Variants in GRID2 observed in about 807,000 individuals in gnomAD.
GRID2 encodes glutamate ionotropic receptor delta type subunit 2, also known as glutamate receptor ionotropic, delta-2.
In GRID2, 33 loss-of-function variants were observed where a neutral mutation model predicts 114.8. The observed-to-expected ratio is 0.29, with a 90% CI of 0.22 to 0.38. The LOEUF (loss-of-function observed/expected upper bound fraction) is 0.38, where lower values mean the gene tolerates loss of function less well. Among genes scored for constraint, GRID2 ranks in the 10% least tolerant of loss-of-function variants. The pLI is 1.00. For synonymous variants in GRID2, 505 were observed against 449.9 expected (o/e 1.12, Z -1.55); for missense variants, 1,184 against 1,257.7 (o/e 0.94, Z 0.89).
At chr4:93,684,283 T>C (rs1475505872) in intron 14 of GRID2, among the ~76,000 whole-genome samples, 1 of 152,128 alleles carries the variant, frequency 6.6e-6, no homozygotes, top group Non-Finnish European at 1.5e-5. Flanking sequence ...AATTTCAGTA[T>C]TTTAAATGAA....
At chr4:92,305,268 G>A (rs941877849) in intron 1 of GRID2, among the ~76,000 whole-genome samples, 2 of 152,146 alleles carry the variant, frequency 1.3e-5, no homozygotes, top group Non-Finnish European at 2.9e-5. Flanking sequence ...GGTGACGGGG[G>A]TGCCGGATGC....
chr4:92,724,511 G>A (rs879882518), intron 2 of GRID2, among the ~76,000 whole-genome samples: 1 of 152,106 alleles, frequency 6.6e-6, no homozygotes, highest in East Asian at 1.9e-4. Flanking sequence ...AAATGCACAT[G>A]GGGACTAGAT....
chr4:93,067,710 G>A (rs896405656), intron 2 of GRID2, among the ~76,000 whole-genome samples: 3 of 151,768 alleles, frequency 2.0e-5, no homozygotes, highest in East Asian at 1.9e-4. Flanking sequence ...ACTTTCAAGA[G>A]CCACCTTATT....
chr4:92,881,099 C>T (rs546641051), intron 2 of GRID2, among the ~76,000 whole-genome samples: 2 of 152,220 alleles, frequency 1.3e-5, no homozygotes, highest in South Asian at 2.1e-4. Context: ...GGAAGGGTTT[C>T]GCCAAGTTGG....
intron 8 of GRID2, among the ~76,000 whole-genome samples, chr4:93,327,896 G>A (rs544311766): frequency 3.0e-4 from 46 of 151,972 alleles, no homozygotes; most frequent in Admixed American, 2.5e-3. Context: ...ATAAATAGAC[G>A]TGCCCACTAT....
At chr4:93,095,969 T>C (rs1433531603) in intron 3 of GRID2, among the ~76,000 whole-genome samples, 1 of 151,992 alleles carries the variant, frequency 6.6e-6, no homozygotes, top group Non-Finnish European at 1.5e-5. Context: ...AAAGATTGGA[T>C]GAAATATTTT....
chr4:92,882,153 G>T (rs1265622216), intron 2 of GRID2, among the ~76,000 whole-genome samples: 1 of 152,100 alleles, frequency 6.6e-6, no homozygotes, highest in Non-Finnish European at 1.5e-5. Context: ...TTAGAAGAAA[G>T]GTGATATTTT....
intron 8 of GRID2, among the ~76,000 whole-genome samples, chr4:93,339,163 T>TTA (rs2149243514): frequency 6.6e-6 from 1 of 152,332 alleles, no homozygotes; most frequent in African/African-American, 2.4e-5. Flanking sequence ...AACCTGATTC[T>TTA]TATTTCTGTG....
chr4:93,798,519 C>T (rs573703358), intron 1 of GRID2, among the ~76,000 whole-genome samples: 5 of 152,252 alleles, frequency 3.3e-5, no homozygotes, highest in South Asian at 2.1e-4. Flanking sequence ...TGACTATGAT[C>T]GGATTCCCCA....
At chr4:92,498,373 C>A (rs892730590) in intron 1 of GRID2, among the ~76,000 whole-genome samples, 1 of 151,714 alleles carries the variant, frequency 6.6e-6, no homozygotes, top group Non-Finnish European at 1.5e-5. Context: ...GCAGTAAGAG[C>A]ATATATGTGC....
chr4:92,827,570 C>T (rs991484964), intron 2 of GRID2, among the ~76,000 whole-genome samples: 1 of 151,916 alleles, frequency 6.6e-6, no homozygotes, highest in Non-Finnish European at 1.5e-5. Flanking sequence ...TGCTAAGTAG[C>T]TTTTAATCAT....
At chr4:92,945,764 G>A (rs1172745233) in intron 2 of GRID2, among the ~76,000 whole-genome samples, 1 of 152,138 alleles carries the variant, frequency 6.6e-6, no homozygotes, top group Non-Finnish European at 1.5e-5. Context: ...ATGGAAGAGT[G>A]CAGTTGATGA....
At chr4:93,171,254 G>A (rs1486086346) in intron 4 of GRID2, among the ~76,000 whole-genome samples, 2 of 152,028 alleles carry the variant, frequency 1.3e-5, no homozygotes, top group East Asian at 3.9e-4. Flanking sequence ...TTTCTCACAT[G>A]TGCCAGGTAC....
intron 1 of GRID2, among the ~76,000 whole-genome samples, chr4:92,384,576 A>T (rs1385148798): frequency 2.8e-5 from 2 of 71,114 alleles, no homozygotes; most frequent in African/African-American, 7.7e-5. Flanking sequence ...ATAATATATA[A>T]AATATATTAT....
At chr4:93,687,746 T>C (rs919890881) in intron 14 of GRID2, among the ~76,000 whole-genome samples, 3 of 151,888 alleles carry the variant, frequency 2.0e-5, no homozygotes, top group Non-Finnish European at 2.9e-5. Context: ...GAAGAGAAAA[T>C]GGAACTAATA....
intron 1 of GRID2, among the ~76,000 whole-genome samples, chr4:92,434,359 G>T (rs1732627897): frequency 6.6e-6 from 1 of 152,156 alleles, no homozygotes; most frequent in Admixed American, 6.6e-5. Context: ...GTATATTTGG[G>T]ATTTGAAGTA....
chr4:92,619,290 G>C (rs1185390565), intron 2 of GRID2, among the ~76,000 whole-genome samples: 1 of 151,664 alleles, frequency 6.6e-6, no homozygotes, highest in Non-Finnish European at 1.5e-5. Context: ...TCTTATGTTG[G>C]AGAAGCAATA....
chr4:92,818,316 C>T (rs1320130235), intron 2 of GRID2, among the ~76,000 whole-genome samples: 2 of 151,674 alleles, frequency 1.3e-5, no homozygotes, highest in Non-Finnish European at 2.9e-5. Flanking sequence ...TTTTTGTATT[C>T]AACTTCACCC....
At chr4:92,663,046 G>C (rs1302292439) in intron 2 of GRID2, among the ~76,000 whole-genome samples, 1 of 150,900 alleles carries the variant, frequency 6.6e-6, no homozygotes, top group Non-Finnish European at 1.5e-5. Context: ...CACTGAGATT[G>C]ATTATCATCA....
Sources: gnomAD v4.1 joint callset for allele counts (sites outside exome capture counted in the v4.1 genomes callset) on GRCh38, gnomAD v4.1.1 for gene constraint, MANE v1.5 for transcripts, NCBI Gene and HGNC (gene_info 2026-07-23, HGNC 2026-07-21) for gene names.